SBNO2: variants seen among roughly 807,000 people sequenced by gnomAD.
SBNO2 encodes the protein strawberry notch homolog 2.
SBNO2 carries 89 observed loss-of-function variants against 146.3 expected under a neutral mutation model. The observed-to-expected ratio is 0.61, with a 90% CI of 0.51 to 0.73. SBNO2 has a LOEUF of 0.73. Ranked by LOEUF, SBNO2 falls within the 30% of genes least tolerant of loss-of-function variation. SBNO2 has a pLI of 0.00. For missense variants in SBNO2, 2,092 were observed against 2,003.7 expected (o/e 1.04, Z -0.84); for synonymous variants, 1,147 against 892.6 (o/e 1.29, Z -5.08).
rs1301350726 is a variant in SBNO2 at position 1,123,589 on chromosome 19, CTCCTCCTCAGCCTCG to C, written c.558_572del (p.Asp186_Glu190del). On this transcript the variant is annotated inframe_deletion, in exon 7 of 32. Coordinates refer to ENST00000361757, the MANE Select transcript of SBNO2 (RefSeq NM_014963.3). ...CTGTGTGCCCCAGCTCCTCCGCCTC[CTCCTCCTCAGCCTCG>C]TCCTCCTCCTCTGGCTGGCTCTGCA... The C allele has an allele frequency of 6.2e-7, 1 of 1,613,566 alleles. No homozygotes were observed. The highest frequency in any genetic ancestry group is 8.5e-7 in the Non-Finnish European group (1 of 1,179,796).
At position 1,109,796 on chromosome 19, in the gene SBNO2, G is replaced by A. The variant is rs780622889; in HGVS notation, c.3029-19C>T. ...GCAAGGTCTAGGGGGGCGGGTGGAG[G>A]GTAAGTGGTGTCCAGGCCTGGGACT... On this transcript the variant is annotated intron_variant, in intron 26 of 31. Transcript: ENST00000361757. The surrounding 1 kb of genome is among the most constrained non-coding windows in gnomAD (Gnocchi z 4.2). 6.5e-6 allele frequency: 10 copies of A among 1,550,266 alleles called. No homozygotes were observed. The highest frequency in any genetic ancestry group is 1.9e-4 in the Middle Eastern group (1 of 5,318).
At chr19:1,121,417 CTG>C (rs1170251979) in intron 11 of SBNO2, among the ~76,000 whole-genome samples, 1 of 152,214 alleles carries the variant, frequency 6.6e-6, no homozygotes, top group Non-Finnish European at 1.5e-5. Context: ...TCTGAATGTT[CTG>C]TGTCTCGGCG....
chr19:1,126,258 G>A lies in SBNO2; in HGVS notation c.441+1346C>T, dbSNP rs1202837657. 1.3e-5 allele frequency among the ~76,000 whole-genome samples: 2 copies of A among 152,082 alleles called. No homozygotes were observed. The highest frequency in any genetic ancestry group is 4.8e-5 in the African/African-American group (2 of 41,384). On this transcript the variant is annotated intron_variant, in intron 5 of 31. Coordinates refer to ENST00000361757, the MANE Select transcript of SBNO2 (RefSeq NM_014963.3). The surrounding 1 kb of genome is among the most constrained non-coding windows in gnomAD (Gnocchi z 4.4). The stretch of plus-strand genomic sequence containing the variant: ...CAGGAAGGTTAGAAACCTATACTCA[G>A]TTGCCCTCTCCTTTTTTTTTTAAGT...
Position 1,126,913 on chromosome 19 carries a change from C to G in SBNO2, c.441+691G>C, listed in dbSNP as rs904395916. 6.6e-6 allele frequency among the ~76,000 whole-genome samples: 1 copy of G among 152,180 alleles called. No individual in the cohort carries two copies. Among genetic ancestry groups the G allele is most frequent in the East Asian group, 1.9e-4 (1 of 5,192 alleles). On this transcript the variant is annotated intron_variant, in intron 5 of 31. Transcript: ENST00000361757. The surrounding 1 kb of genome is among the most constrained non-coding windows in gnomAD (Gnocchi z 4.4). ...CTGGGGCACGGCTAGAGGCTAGGCCCGAAGAACCTGGGGGCCCTGCTGCCC... is the reference window on the plus strand; with the variant it reads ...CTGGGGCACGGCTAGAGGCTAGGCCGGAAGAACCTGGGGGCCCTGCTGCCC...
rs1256343322 is a variant in SBNO2, at chr19:1,117,472, G to C, written c.1555C>G (p.Gln519Glu). ...TCCAGGCCGATCCAGTCGGCCGCCTGCTGGAACACGTTCAGGGCCTCGGCC... is the reference window on the plus strand; with the variant it reads ...TCCAGGCCGATCCAGTCGGCCGCCTCCTGGAACACGTTCAGGGCCTCGGCC... ...LWAEALNVFQ[Q>E]AADWIGLESR... Residue 519 changes from glutamine to glutamate, a missense_variant, in exon 15 of 32, where the codon CAG (glutamine) becomes GAG (glutamate). By Grantham distance (29) the Gln-to-Glu change is conservative. Coordinates refer to ENST00000361757, the MANE Select transcript of SBNO2 (RefSeq NM_014963.3). 1.3e-6 allele frequency: 2 copies of C among 1,587,110 alleles called. No homozygotes were observed. The highest frequency in any genetic ancestry group is 1.8e-5 in the Admixed American group (1 of 56,528).
At position 1,160,495 on chromosome 19, in the gene SBNO2, G is replaced by T. The variant is rs371164978; in HGVS notation, c.-126-6093C>A. On this transcript the variant is annotated intron_variant, in intron 1 of 31. Transcript: ENST00000361757. Reference sequence around the variant, plus strand: ...AGACCCGGGGGAGGACGCACAGAGGGTGGCTACAGAACAGAGGCAGCTGGC... The same window carrying T: ...AGACCCGGGGGAGGACGCACAGAGGTTGGCTACAGAACAGAGGCAGCTGGC... Among the ~76,000 whole-genome samples the T allele has an allele frequency of 7.3e-4, 111 of 152,278 alleles. 1 individual carries two copies. In the East Asian group the frequency reaches 9.5e-3, roughly 13 times the overall value.
chr19:1,163,935 C>T (rs10853952), intron 1 of SBNO2, among the ~76,000 whole-genome samples: 42,554 of 152,136 alleles, frequency 0.28, 6,558 homozygotes, highest in East Asian at 0.44. Context: ...CAGGAGCCCA[C>T]GTGCTTCTCT....
chr19:1,135,045 CAAAAAAAA>C (rs201799961), intron 4 of SBNO2, among the ~76,000 whole-genome samples: 3 of 51,236 alleles, frequency 5.9e-5, no homozygotes, highest in African/African-American at 7.9e-5. Context: ...GACTCTGTCT[CAAAAAAAA>C]AAAAAAAAAA....
In SBNO2 at chr19:1,112,598, A is replaced by G. The variant is rs1599824963; in HGVS notation, c.2380-61T>C. 1.3e-6 allele frequency: 2 copies of G among 1,508,136 alleles called. No homozygotes were observed. The highest frequency in any genetic ancestry group is 1.4e-5 in the African/African-American group (1 of 72,564). The allele number at this position is 1,508,136 out of a possible 1,614,324, so 93.4% of individuals were successfully genotyped here. A position where few individuals can be genotyped will look rare whatever the true frequency, so the allele number is the denominator to read the frequency against. ...CAAGGCCCGCCCCAGCGTTGCCGCC[A>G]CCTCCTCACCCACTAGGCCCCCGCT... On this transcript the variant is annotated intron_variant, in intron 20 of 31. Transcript: ENST00000361757. The surrounding 1 kb of genome is among the most constrained non-coding windows in gnomAD (Gnocchi z 5.9).
At chr19:1,124,736 C>A (rs528361088) in intron 5 of SBNO2, among the ~76,000 whole-genome samples, 41 of 152,342 alleles carry the variant, frequency 2.7e-4, no homozygotes, top group African/African-American at 9.6e-4. Context: ...GAGCCTCATG[C>A]AGATTCACCA....
At chr19:1,129,115 A>G (rs1193831807) in intron 4 of SBNO2, among the ~76,000 whole-genome samples, 1 of 152,016 alleles carries the variant, frequency 6.6e-6, no homozygotes, top group African/African-American at 2.4e-5. Flanking sequence ...AAAAACACAA[A>G]AATTAGCTGG....
At chr19:1,147,219 G>T in intron 4 of SBNO2, 90 bp downstream of exon 4, 1 of 869,600 alleles carries the variant, frequency 1.1e-6, no homozygotes, top group Non-Finnish European at 1.8e-6. Context: ...TCCCAGGCAG[G>T]CCTGAGCGAG....
rs1242521019 is a variant in SBNO2 at position 1,108,232 on chromosome 19, C to T, written c.4089G>A (p.Gln1363=). The change falls in exon 32 of 32, where the codon CAG becomes CAA. Residue 1363 remains glutamine, a synonymous_variant. Transcript: ENST00000361757. ...GCCTAAAGGCGTGTCAGAGAGGAGC[C>T]TGGGCGCCGGGGAAGGGTGGGCTGA... ...IQFSPPFPGA[Q]APL The T allele has an allele frequency of 6.5e-7, 1 of 1,527,390 alleles. No homozygotes were observed. The allele number at this position is 1,527,390 out of a possible 1,614,324, so 94.6% of individuals were successfully genotyped here. A position where few individuals can be genotyped will look rare whatever the true frequency, so the allele number is the denominator to read the frequency against.
intron 4 of SBNO2, among the ~76,000 whole-genome samples, chr19:1,142,976 G>A (rs905135345): frequency 6.6e-6 from 1 of 152,014 alleles, no homozygotes; most frequent in South Asian, 2.1e-4. Context: ...AGAAAAAAAA[G>A]TCATGACTAG....
chr19:1,109,278 C>G lies in SBNO2; in HGVS notation c.3348+14G>C. On this transcript the variant is annotated intron_variant, in intron 29 of 31. Coordinates refer to ENST00000361757, the MANE Select transcript of SBNO2 (RefSeq NM_014963.3). The surrounding 1 kb of genome is among the most constrained non-coding windows in gnomAD (Gnocchi z 4.2). ...CGGCAACCCGAGCGAAAGCTGCGCCCGGCGGCCGCCTACCCGGTGGAACTT... is the reference window on the plus strand; with the variant it reads ...CGGCAACCCGAGCGAAAGCTGCGCCGGGCGGCCGCCTACCCGGTGGAACTT... 6.3e-7 allele frequency: 1 copy of G among 1,585,202 alleles called. No homozygotes were observed. The highest frequency in any genetic ancestry group is 8.6e-7 in the Non-Finnish European group (1 of 1,166,634).
In SBNO2 at chr19:1,164,082, C is replaced by T. The variant is rs554898229; in HGVS notation, c.-126-9680G>A. ...TGGAAACTCAGGCCCGCGGCCATCA[C>T]GGCCCCTCTCCTGGGAGGGCTCAAG... is the stretch of plus-strand genomic sequence containing the variant. On this transcript the variant is annotated intron_variant, in intron 1 of 31. Coordinates refer to ENST00000361757, the MANE Select transcript of SBNO2 (RefSeq NM_014963.3). Among the ~76,000 whole-genome samples, 9 of 152,374 alleles carry T rather than the reference C, an allele frequency of 5.9e-5. No homozygotes were observed. In the South Asian group the frequency reaches 6.2e-4, roughly 11 times the overall value.
chr19:1,111,341 G>A (rs1167389433), intron 24 of SBNO2, among the ~76,000 whole-genome samples, 165 bp downstream of exon 24: 1 of 152,162 alleles, frequency 6.6e-6, no homozygotes, highest in African/African-American at 2.4e-5. Context: ...CAGCTGCTGG[G>A]GGCCGCCTTG....
intron 4 of SBNO2, among the ~76,000 whole-genome samples, chr19:1,142,800 C>T (rs1599861302): frequency 1.3e-5 from 2 of 152,290 alleles, no homozygotes; most frequent in East Asian, 3.9e-4. Flanking sequence ...AATCCCATCT[C>T]TACTAAAAAT....
rs2080234179 is a variant in SBNO2, at chr19:1,150,656, G to T, written c.94-1214C>A. On this transcript the variant is annotated intron_variant, in intron 2 of 31. Transcript: ENST00000361757. The surrounding 1 kb of genome is among the most constrained non-coding windows in gnomAD (Gnocchi z 6.2). ...CGCTGGCTTCCAGAACAGGGTTGGGGGTTCGCCTGCTTCCCTGAGTCCCCC... is the reference window on the plus strand; with the variant it reads ...CGCTGGCTTCCAGAACAGGGTTGGGTGTTCGCCTGCTTCCCTGAGTCCCCC... 6.6e-6 allele frequency among the ~76,000 whole-genome samples: 1 copy of T among 152,132 alleles called. No individual in the cohort carries two copies. Among genetic ancestry groups the T allele is most frequent in the Non-Finnish European group, 1.5e-5 (1 of 68,006 alleles).
Sources: allele counts gnomAD v4.1 joint callset (sites outside exome capture counted in the v4.1 genomes callset), GRCh38; gene constraint gnomAD v4.1.1; non-coding constraint Gnocchi (gnomAD v3.1); transcripts MANE v1.5; gene names NCBI Gene and HGNC (gene_info 2026-07-23, HGNC 2026-07-21).